The following SPOCK1 variants were observed in gnomAD, a reference collection of about 807,000 sequenced individuals.
The protein encoded by SPOCK1 is SPARC (osteonectin), cwcv and kazal like domains proteoglycan 1.
SPOCK1 carries 23 observed loss-of-function variants against 55.3 expected under a neutral mutation model. The ratio of observed to expected loss-of-function variants is 0.42; its 90% CI spans 0.30 to 0.59. The LOEUF (loss-of-function observed/expected upper bound fraction) is 0.59. Among genes scored for constraint, SPOCK1 ranks in the 20% least tolerant of loss-of-function variants. The pLI is 0.22. For synonymous variants in SPOCK1, 226 were observed against 221.0 expected (o/e 1.02, Z -0.20); for missense variants, 499 against 552.5 (o/e 0.90, Z 0.97).
At chr5:137,256,722 A>G (rs1756641747) in intron 3 of SPOCK1, among the ~76,000 whole-genome samples, 1 of 152,108 alleles carries the variant, frequency 6.6e-6, no homozygotes, top group Admixed American at 6.5e-5. Flanking sequence ...CTGCTCAGGC[A>G]GTCTGTCCCC....
chr5:137,404,290 G>A (rs147657182), intron 2 of SPOCK1, among the ~76,000 whole-genome samples: 2 of 152,362 alleles, frequency 1.3e-5, no homozygotes, highest in East Asian at 3.9e-4. Flanking sequence ...GGGATCATGG[G>A]CTGGTGTGCT....
intron 2 of SPOCK1, among the ~76,000 whole-genome samples, chr5:137,478,295 G>A (rs918887079): frequency 1.3e-5 from 2 of 152,146 alleles, no homozygotes; most frequent in Admixed American, 1.3e-4. Context: ...AGATTAGTGA[G>A]CTGGAGTCAC....
At chr5:137,018,992 T>TAC (rs1252603358) in intron 6 of SPOCK1, among the ~76,000 whole-genome samples, 6 of 151,966 alleles carry the variant, frequency 3.9e-5, no homozygotes, top group South Asian at 2.1e-4. Context: ...AGCCAATAAA[T>TAC]ACACACACAT....
At chr5:137,449,536 T>C (rs1753205398) in intron 2 of SPOCK1, among the ~76,000 whole-genome samples, 1 of 152,122 alleles carries the variant, frequency 6.6e-6, no homozygotes, top group Admixed American at 6.5e-5. Context: ...TTTTAGAGCC[T>C]CTTGCCTCTC....
At chr5:137,264,815 G>A (rs1343814272) in intron 3 of SPOCK1, among the ~76,000 whole-genome samples, 1 of 152,148 alleles carries the variant, frequency 6.6e-6, no homozygotes, top group African/African-American at 2.4e-5. Context: ...CGCACACAAT[G>A]TAATTGATGA....
At chr5:136,984,767 C>G (rs922572579) in intron 9 of SPOCK1, among the ~76,000 whole-genome samples, 18 of 152,178 alleles carry the variant, frequency 1.2e-4, no homozygotes, top group Admixed American at 1.2e-3. Context: ...CAATCCTATC[C>G]GGGGAATGGA....
chr5:137,205,926 G>C (rs1755513675), intron 3 of SPOCK1, among the ~76,000 whole-genome samples: 1 of 152,150 alleles, frequency 6.6e-6, no homozygotes, highest in African/African-American at 2.4e-5. Flanking sequence ...TGCCACCACT[G>C]AACGGATGAG....
chr5:137,352,864 G>A (rs1750712470), intron 2 of SPOCK1, among the ~76,000 whole-genome samples: 1 of 152,198 alleles, frequency 6.6e-6, no homozygotes, highest in Non-Finnish European at 1.5e-5. Flanking sequence ...TGTTTCATGT[G>A]TGGTTGCAGA....
intron 2 of SPOCK1, among the ~76,000 whole-genome samples, chr5:137,355,251 G>A (rs1004147508): frequency 6.6e-6 from 1 of 152,132 alleles, no homozygotes; most frequent in Non-Finnish European, 1.5e-5. Context: ...GAAGTGCAGT[G>A]GCACTACCAT....
chr5:137,090,188 A>G (rs1753028738), intron 5 of SPOCK1, among the ~76,000 whole-genome samples: 1 of 152,252 alleles, frequency 6.6e-6, no homozygotes, highest in African/African-American at 2.4e-5. Flanking sequence ...ATTTCAATGA[A>G]GAAGGGTTGA....
At chr5:137,085,070 G>A (rs539951105) in intron 5 of SPOCK1, among the ~76,000 whole-genome samples, 2 of 151,160 alleles carry the variant, frequency 1.3e-5, no homozygotes, top group Non-Finnish European at 2.9e-5. Flanking sequence ...GTATCTAGAA[G>A]ACAACTAAAT....
chr5:137,484,181 C>T (rs565813204), intron 2 of SPOCK1, among the ~76,000 whole-genome samples: 93 of 152,328 alleles, frequency 6.1e-4, no homozygotes, highest in Admixed American at 1.4e-3. Flanking sequence ...GGGCATCCAT[C>T]AGCAGCAATT....
intron 3 of SPOCK1, among the ~76,000 whole-genome samples, chr5:137,182,681 C>T (rs1385511151): frequency 6.6e-6 from 1 of 152,124 alleles, no homozygotes; most frequent in African/African-American, 2.4e-5. Context: ...TCCTTGAGGG[C>T]AGAGATGGTC....
intron 3 of SPOCK1, among the ~76,000 whole-genome samples, chr5:137,182,038 C>G (rs532668186): frequency 6.6e-6 from 1 of 152,162 alleles, no homozygotes; most frequent in Non-Finnish European, 1.5e-5. Context: ...AGGAGCAGAT[C>G]CCCAGGTTGA....
intron 2 of SPOCK1, among the ~76,000 whole-genome samples, chr5:137,405,320 C>G (rs1752073856): frequency 6.6e-6 from 1 of 152,330 alleles, no homozygotes; most frequent in South Asian, 2.1e-4. Context: ...ACATAATGAG[C>G]TTATCTTAGT....
intron 2 of SPOCK1, among the ~76,000 whole-genome samples, chr5:137,316,171 C>T (rs562424160): frequency 6.6e-6 from 1 of 152,326 alleles, no homozygotes; most frequent in East Asian, 1.9e-4. Context: ...TGTGTGCTCA[C>T]ATGGTGGAAG....
intron 2 of SPOCK1, among the ~76,000 whole-genome samples, chr5:137,339,704 G>A (rs1750372887): frequency 6.6e-6 from 1 of 152,094 alleles, no homozygotes; most frequent in Non-Finnish European, 1.5e-5. Context: ...TAGCAAGGGT[G>A]TTCATGGCTG....
chr5:137,006,233 T>A (rs927960334), intron 6 of SPOCK1, among the ~76,000 whole-genome samples: 43 of 152,302 alleles, frequency 2.8e-4, no homozygotes, highest in African/African-American at 9.1e-4. Flanking sequence ...TTTTTCTAAT[T>A]CTGTGAAGAA....
At chr5:137,072,811 G>A (rs572263879) in intron 5 of SPOCK1, among the ~76,000 whole-genome samples, 1 of 152,204 alleles carries the variant, frequency 6.6e-6, no homozygotes, top group Non-Finnish European at 1.5e-5. Context: ...TTTTAAGCCA[G>A]ACTGTTGACA....
Sources: gnomAD v4.1 joint callset for allele counts (sites outside exome capture counted in the v4.1 genomes callset) on GRCh38, gnomAD v4.1.1 for gene constraint, MANE v1.5 for transcripts, NCBI Gene and HGNC (gene_info 2026-07-23, HGNC 2026-07-21) for gene names.